Variants in HSPG2 observed in about 807,000 individuals in gnomAD.
The protein encoded by HSPG2 is heparan sulfate proteoglycan 2, also known as basement membrane-specific heparan sulfate proteoglycan core protein.
Under a neutral mutation model 526.6 loss-of-function variants are expected in HSPG2, and 278 were observed. The ratio of observed to expected loss-of-function variants is 0.53; its 90% CI spans 0.48 to 0.58. The LOEUF (loss-of-function observed/expected upper bound fraction) is 0.58. Ranked by LOEUF, HSPG2 falls within the 20% of genes least tolerant of loss-of-function variation. The pLI, the probability that HSPG2 is intolerant of heterozygous loss-of-function variation, is 0.00. For synonymous variants in HSPG2, 2,465 were observed against 2,555.4 expected, an observed-to-expected ratio of 0.96 and a Z score of 1.07; for missense variants, 5,354 against 6,099.5, an observed-to-expected ratio of 0.88 and a Z score of 4.07.
In HSPG2 at chr1:21,884,843, G is replaced by A; in HGVS notation, c.1431C>T (p.Tyr477=). 6.2e-7 allele frequency: 1 copy of A among 1,613,908 alleles called. No homozygotes were observed. Among genetic ancestry groups the A allele is most frequent in the Non-Finnish European group, 8.5e-7 (1 of 1,179,996 alleles). ...RDVKESDQGA[Y]TCEAMNARGM... ...CCCGGGCGTTCATGGCCTCACAGGTGTAGGCACCCTGGTCTGACTCCTTCA... is the reference window on the plus strand; with the variant it reads ...CCCGGGCGTTCATGGCCTCACAGGTATAGGCACCCTGGTCTGACTCCTTCA... The change falls in exon 12 of 97, where the codon TAC becomes TAT. Residue 477 remains tyrosine (Y), a synonymous_variant. Transcript: ENST00000374695.
intron 74 of HSPG2, among the ~76,000 whole-genome samples, chr1:21,837,221 G>A (rs906770248): frequency 2.2e-4 from 33 of 152,212 alleles, no homozygotes; most frequent in African/African-American, 7.5e-4. Flanking sequence ...GGAGCGCTGG[G>A]CTCTGTTTCC....
chr1:21,877,093 A>AAAAGG (rs1641138157), intron 21 of HSPG2, among the ~76,000 whole-genome samples: 1 of 152,038 alleles, frequency 6.6e-6, no homozygotes, highest in Non-Finnish European at 1.5e-5. Context: ...AAAAGAAAAG[A>AAAAGG]AAGAGCACAT....
chr1:21,884,940 G>A, intron 11 of HSPG2, 22 bp from the exon 12 acceptor site: 1 of 1,613,984 alleles, frequency 6.2e-7, no homozygotes, highest in Non-Finnish European at 8.5e-7. Context: ...CAAGACAAGT[G>A]GTAGGATCTG....
intron 57 of HSPG2, 96 bp from the exon 58 acceptor site, chr1:21,849,127 C>A: frequency 7.1e-7 from 1 of 1,414,138 alleles, no homozygotes; most frequent in Non-Finnish European, 9.8e-7. Flanking sequence ...CCCAGCCCAG[C>A]CAGCTGGAAC....
rs2152705590 is a variant in HSPG2 at position 21,841,620 on chromosome 1, G to A, written c.9247C>T (p.Pro3083Ser). ...CAGCGGTAGGTACCGTGGTTGCTGG[G>A]CCGGGTGCCCACGATGGTGATGATG... ...GSIITIVGTR[P>S]SNHGTYRCVA... The change falls in exon 70 of 97, where the codon CCC becomes TCC. Residue 3083 changes from proline (P) to serine (S), a missense_variant. Coordinates refer to ENST00000374695, the MANE Select transcript of HSPG2 (RefSeq NM_005529.7). The A allele has an allele frequency of 2.5e-6, 4 of 1,614,210 alleles. No individual in the cohort carries two copies. In the South Asian group the frequency reaches 4.4e-5, roughly 18 times the overall value.
chr1:21,881,614 C>T lies in HSPG2; in HGVS notation c.1655-112G>A, dbSNP rs1050050806. On this transcript the variant is annotated intron_variant, in intron 13 of 96. Transcript: ENST00000374695. ...GAAAGTTCTAGTGGAAATTTGATTT[C>T]GAGAAAACTTTGATCTCTCTTCCAA... 37 of 1,063,470 alleles carry T rather than the reference C, an allele frequency of 3.5e-5. No homozygotes were observed. In the South Asian group the frequency reaches 4.4e-4, roughly 13 times the overall value. The allele number at this position is 1,063,470 out of a possible 1,614,324, so 65.9% of individuals were successfully genotyped here. A position where few individuals can be genotyped will look rare whatever the true frequency, so the allele number is the denominator to read the frequency against.
chr1:21,918,990 G>T (rs553637042), intron 1 of HSPG2, among the ~76,000 whole-genome samples: 1 of 152,118 alleles, frequency 6.6e-6, no homozygotes, highest in African/African-American at 2.4e-5. Flanking sequence ...GCTGCTGCCC[G>T]CCCTACAGGC....
At chr1:21,933,611 C>T (rs998438617) in intron 1 of HSPG2, among the ~76,000 whole-genome samples, 2 of 152,242 alleles carry the variant, frequency 1.3e-5, no homozygotes, top group African/African-American at 4.8e-5. Flanking sequence ...AACTTGTCTG[C>T]GCTCAGCCTG....
chr1:21,861,679 G>T, intron 39 of HSPG2, 78 bp downstream of exon 39: 1 of 1,322,800 alleles, frequency 7.6e-7, no homozygotes. Context: ...ACTTTTCTGA[G>T]CAACACCCTT....
At chr1:21,884,697 G>C in intron 12 of HSPG2, 23 bp from the exon 13 acceptor site, 1 of 1,610,196 alleles carries the variant, frequency 6.2e-7, no homozygotes, top group South Asian at 1.1e-5. Flanking sequence ...ATGGGCGGGG[G>C]CTGCAGCCGG....
chr1:21,889,872 C>A, intron 6 of HSPG2, 109 bp downstream of exon 6: 1 of 1,110,544 alleles, frequency 9.0e-7, no homozygotes, highest in Non-Finnish European at 1.4e-6. Context: ...GTAGTGAGCT[C>A]CCTGTTTCTA....
intron 1 of HSPG2, among the ~76,000 whole-genome samples, chr1:21,910,206 G>A (rs1276530158): frequency 1.3e-5 from 2 of 152,234 alleles, no homozygotes; most frequent in African/African-American, 4.8e-5. Flanking sequence ...TGGGCTGCAC[G>A]GGGTATTTAA....
At position 21,878,632 on chromosome 1, in the gene HSPG2, C is replaced by T; in HGVS notation, c.2503G>A (p.Gly835Ser). 1 of 1,614,154 alleles carries T rather than the reference C, an allele frequency of 6.2e-7. No homozygotes were observed. The highest frequency in any genetic ancestry group is 8.5e-7 in the Non-Finnish European group (1 of 1,180,032). Reference protein sequence around the residue: ...FSDTCFLDTDGQATCDACAPG... With the variant: ...FSDTCFLDTDSQATCDACAPG... ...GCACAGGCGTCACATGTGGCTTGGC[C>T]ATCCGTGTCCAGGAAGCAAGTGTCT... The change falls in exon 19 of 97, where the codon GGC becomes AGC. Residue 835 changes from glycine (G) to serine (S), a missense_variant. Coordinates refer to ENST00000374695, the MANE Select transcript of HSPG2 (RefSeq NM_005529.7).
intron 1 of HSPG2, among the ~76,000 whole-genome samples, chr1:21,933,037 T>C (rs2152806350): frequency 6.6e-6 from 1 of 151,894 alleles, no homozygotes. Flanking sequence ...TGGGGGAACA[T>C]GGCAAAACCC....
Position 21,823,637 on chromosome 1 carries a change from C to T in HSPG2, c.12982G>A (p.Ala4328Thr), listed in dbSNP as rs114015043. The part of the protein sequence containing the change: ...RSPGPNVAVN[A>T]KGSVYIGGAP... ...TTACCGATGTAGACGCTGCCCTTGGCGTTGACTGCCACGTTGGGACCTGGG... is the reference window on the plus strand; with the variant it reads ...TTACCGATGTAGACGCTGCCCTTGGTGTTGACTGCCACGTTGGGACCTGGG... The change falls in exon 96 of 97, where the codon GCC becomes ACC. Residue 4328 changes from alanine to threonine, a missense_variant. Ala to Thr is a moderately conservative substitution (Grantham distance 58, BLOSUM62 0). Transcript: ENST00000374695. 3.5e-3 allele frequency: 5,599 copies of T among 1,613,698 alleles called. 15 individuals carry two copies. The highest frequency in any genetic ancestry group is 4.4e-3 in the Non-Finnish European group (5,236 of 1,179,854).
chr1:21,887,499 G>A lies in HSPG2; in HGVS notation c.879C>T (p.Arg293=). ...LPCGPQEAAC[R]NGHCIPRDYL... is the part of the protein sequence containing the mutation. ...AGTCTCTGGGGATGCAGTGCCCATTGCGGCATGCGGCCTCCTGGGGCCCAC... is the reference window on the plus strand; with the variant it reads ...AGTCTCTGGGGATGCAGTGCCCATTACGGCATGCGGCCTCCTGGGGCCCAC... Residue 293 remains arginine, a synonymous_variant, in exon 8 of 97, where the codon CGC becomes CGT. Transcript: ENST00000374695. The surrounding 1 kb of genome is among the most constrained non-coding windows in gnomAD (Gnocchi z 5.0). 6.2e-7 allele frequency: 1 copy of A among 1,614,056 alleles called. No individual in the cohort carries two copies. Among genetic ancestry groups the A allele is most frequent in the Non-Finnish European group, 8.5e-7 (1 of 1,179,996 alleles).
rs761987723 is a variant in HSPG2 at position 21,823,712 on chromosome 1, G to A, written c.12907C>T (p.Arg4303Cys). ...CCGTCGACTTGGATGGAACCTCTGCGGCCCTCCCTGCAGTGGAACTGGGTC... is the reference window on the plus strand; with the variant it reads ...CCGTCGACTTGGATGGAACCTCTGCAGCCCTCCCTGCAGTGGAACTGGGTC... ...WHRVTALREG[R>C]RGSIQVDGEE... The change falls in exon 96 of 97, where the codon CGC (arginine) becomes TGC (cysteine). Residue 4303 changes from arginine to cysteine, a missense_variant. Physicochemically the swap from Arg to Cys is radical, Grantham distance 180. Coordinates refer to ENST00000374695, the MANE Select transcript of HSPG2 (RefSeq NM_005529.7). 1.4e-5 allele frequency: 23 copies of A among 1,613,190 alleles called. No homozygotes were observed. Among genetic ancestry groups the A allele is most frequent in the Admixed American group, 1.2e-4 (7 of 60,016 alleles).
chr1:21,852,247 G>T lies in HSPG2; in HGVS notation c.6725-14C>A. The T allele has an allele frequency of 1.2e-6, 2 of 1,613,884 alleles. No individual in the cohort carries two copies. Among genetic ancestry groups the T allele is most frequent in the Non-Finnish European group, 1.7e-6 (2 of 1,179,956 alleles). ...GTGGGATGGGTCCTGCAGCAGTGGGGATGGGAGTGAGAGTTGTAGATGCTC... is the reference window on the plus strand; with the variant it reads ...GTGGGATGGGTCCTGCAGCAGTGGGTATGGGAGTGAGAGTTGTAGATGCTC... On this transcript the variant is annotated splice_polypyrimidine_tract_variant and intron_variant, in intron 52 of 96. Coordinates refer to ENST00000374695, the MANE Select transcript of HSPG2 (RefSeq NM_005529.7).
intron 1 of HSPG2, among the ~76,000 whole-genome samples, chr1:21,919,423 C>T (rs112758861): frequency 2.0e-5 from 2 of 102,202 alleles, no homozygotes; most frequent in East Asian, 4.7e-4. Flanking sequence ...AAGACCCTGT[C>T]TCAAAAAAAA....
Sources: gnomAD v4.1 joint callset for allele counts (sites outside exome capture counted in the v4.1 genomes callset) on GRCh38, gnomAD v4.1.1 for gene constraint, Gnocchi (gnomAD v3.1) non-coding constraint, MANE v1.5 for transcripts, NCBI Gene and HGNC (gene_info 2026-07-23, HGNC 2026-07-21) for gene names.